Variants in PPFIA2 observed in about 807,000 individuals in gnomAD.
The protein encoded by PPFIA2 is liprin-alpha-2.
Under a neutral mutation model 175.5 loss-of-function variants are expected in PPFIA2, and 46 were observed. That is an observed-to-expected ratio of 0.26 (90% CI 0.21 to 0.34). The LOEUF is 0.34. Among genes scored for constraint, PPFIA2 ranks in the 10% least tolerant of loss-of-function variants. PPFIA2 has a pLI of 1.00. For synonymous variants in PPFIA2, 568 were observed against 511.4 expected (o/e 1.11, Z -1.49); for missense variants, 1,179 against 1,506.1 (o/e 0.78, Z 3.60).
chr12:81,385,479 G>A (rs1352028990), intron 8 of PPFIA2, among the ~76,000 whole-genome samples: 1 of 152,122 alleles, frequency 6.6e-6, no homozygotes, highest in African/African-American at 2.4e-5. Flanking sequence ...CGGATGAATG[G>A]ATAAAAGCGA....
intron 4 of PPFIA2, among the ~76,000 whole-genome samples, chr12:81,586,427 T>G (rs989708278): frequency 6.6e-6 from 1 of 151,956 alleles, no homozygotes; most frequent in Non-Finnish European, 1.5e-5. Flanking sequence ...ACATGTTGTA[T>G]GCAGCACTTA....
At chr12:81,391,342 C>T (rs1247220474) in intron 8 of PPFIA2, among the ~76,000 whole-genome samples, 1 of 151,746 alleles carries the variant, frequency 6.6e-6, no homozygotes, top group African/African-American at 2.4e-5. Context: ...TGTAAGTCGT[C>T]CTGTATGCAG....
intron 21 of PPFIA2, among the ~76,000 whole-genome samples, chr12:81,328,681 T>G (rs1404918285): frequency 6.6e-6 from 1 of 152,174 alleles, no homozygotes; most frequent in Non-Finnish European, 1.5e-5. Flanking sequence ...TGTAAATGTT[T>G]GTGTATGTTG....
chr12:81,267,728 AT>A (rs137975780), intron 29 of PPFIA2, among the ~76,000 whole-genome samples, 183 bp downstream of exon 29: 7,116 of 77,660 alleles, frequency 0.092, 278 homozygotes, highest in African/African-American at 0.21. Flanking sequence ...TAATTGTATG[AT>A]TTTTTTTTTT....
chr12:81,716,659 G>A (rs1012051556), intron 3 of PPFIA2, among the ~76,000 whole-genome samples: 2 of 151,678 alleles, frequency 1.3e-5, no homozygotes, highest in Non-Finnish European at 2.9e-5. Flanking sequence ...CATGTTAGAA[G>A]TGATGCTTTA....
chr12:81,368,718 G>C lies in PPFIA2; in HGVS notation c.1482+7C>G, dbSNP rs745858903. On this transcript the variant is annotated splice_region_variant and intron_variant, in intron 13 of 32. Transcript: ENST00000549396. ...ATTCATGTGATTTTACCCTTCTATC[G>C]TTTTACCTTTTCTTCTAGAGCAGCC... The C allele has an allele frequency of 6.2e-7, 1 of 1,603,472 alleles. No individual in the cohort carries two copies. Among genetic ancestry groups the C allele is most frequent in the Non-Finnish European group, 8.5e-7 (1 of 1,175,382 alleles).
intron 3 of PPFIA2, among the ~76,000 whole-genome samples, chr12:81,736,574 C>T (rs947184213): frequency 6.6e-5 from 10 of 151,880 alleles, no homozygotes; most frequent in East Asian, 1.9e-4. Flanking sequence ...AAGGAGGAAA[C>T]GCCGGAGGAA....
At chr12:81,506,854 G>A (rs2061229704) in intron 4 of PPFIA2, among the ~76,000 whole-genome samples, 1 of 152,196 alleles carries the variant, frequency 6.6e-6, no homozygotes, top group Non-Finnish European at 1.5e-5. Flanking sequence ...TATGTATACA[G>A]CAGGCATGGC....
At chr12:81,574,213 TTACCA>T (rs1318771764) in intron 4 of PPFIA2, among the ~76,000 whole-genome samples, 1 of 151,916 alleles carries the variant, frequency 6.6e-6, no homozygotes, top group African/African-American at 2.4e-5. Flanking sequence ...ATGCCACTCC[TTACCA>T]TCTGTCAATG....
chr12:81,620,105 A>T (rs2061872914), intron 4 of PPFIA2, among the ~76,000 whole-genome samples: 1 of 138,234 alleles, frequency 7.2e-6, no homozygotes. Context: ...GCTTGCAGTG[A>T]GCCGAGATCG....
At chr12:81,345,492 G>C (rs994812958) in intron 18 of PPFIA2, among the ~76,000 whole-genome samples, 1 of 151,196 alleles carries the variant, frequency 6.6e-6, no homozygotes, top group Admixed American at 6.6e-5. Context: ...CTCTCTCTCT[G>C]TCTCTCACAC....
intron 4 of PPFIA2, among the ~76,000 whole-genome samples, chr12:81,474,045 A>G (rs1283961057): frequency 6.6e-6 from 1 of 152,232 alleles, no homozygotes; most frequent in African/African-American, 2.4e-5. Flanking sequence ...CTATATTTCA[A>G]GTAAGAACTC....
At chr12:81,584,936 T>G (rs1278733975) in intron 4 of PPFIA2, among the ~76,000 whole-genome samples, 44 of 113,844 alleles carry the variant, frequency 3.9e-4, no homozygotes, top group African/African-American at 1.4e-3. Flanking sequence ...TTATATATAA[T>G]ATATTATATA....
At chr12:81,730,118 TA>T (rs1437519689) in intron 3 of PPFIA2, among the ~76,000 whole-genome samples, 1 of 151,650 alleles carries the variant, frequency 6.6e-6, no homozygotes, top group African/African-American at 2.4e-5. Flanking sequence ...GATCACGTGT[TA>T]CAGCAGCAAA....
At chr12:81,709,618 T>C (rs1170173910) in intron 3 of PPFIA2, among the ~76,000 whole-genome samples, 1 of 152,106 alleles carries the variant, frequency 6.6e-6, no homozygotes, top group Non-Finnish European at 1.5e-5. Context: ...GCAAGGTTTT[T>C]TCTATTAAAA....
At chr12:81,712,879 A>G (rs1007977977) in intron 3 of PPFIA2, among the ~76,000 whole-genome samples, 2 of 150,990 alleles carry the variant, frequency 1.3e-5, no homozygotes, top group Admixed American at 6.8e-5. Flanking sequence ...GATATTTTCA[A>G]CCACATCTCC....
intron 4 of PPFIA2, among the ~76,000 whole-genome samples, chr12:81,536,964 C>T (rs375148305): frequency 1.3e-5 from 2 of 150,576 alleles, no homozygotes; most frequent in African/African-American, 4.9e-5. Flanking sequence ...AGTTCCCCAC[C>T]GGTTATTGAC....
intron 3 of PPFIA2, among the ~76,000 whole-genome samples, chr12:81,709,669 G>A (rs1019901861): frequency 2.6e-5 from 4 of 151,988 alleles, no homozygotes; most frequent in Non-Finnish European, 2.9e-5. Flanking sequence ...GCAGATCCCT[G>A]TAGCAAATTT....
chr12:81,395,837 A>G (rs1208970955), intron 8 of PPFIA2, among the ~76,000 whole-genome samples: 5 of 152,038 alleles, frequency 3.3e-5, no homozygotes, highest in African/African-American at 1.2e-4. Context: ...CCAGCTTCCA[A>G]AAAGAATCAT....
Sources: gnomAD v4.1 joint callset for allele counts (sites outside exome capture counted in the v4.1 genomes callset) on GRCh38, gnomAD v4.1.1 for gene constraint, MANE v1.5 for transcripts, NCBI Gene and HGNC (gene_info 2026-07-23, HGNC 2026-07-21) for gene names.